EPB41L5: variants seen among roughly 807,000 people sequenced by gnomAD.
The protein encoded by EPB41L5 is erythrocyte membrane protein band 4.1 like 5, also known as band 4.1-like protein 5.
EPB41L5 carries 55 observed loss-of-function variants against 106.6 expected under a neutral mutation model. That is an observed-to-expected ratio of 0.52 (90% CI 0.42 to 0.65). The LOEUF is 0.65. Among genes scored for constraint, EPB41L5 ranks in the 30% least tolerant of loss-of-function variants. The pLI, the probability that EPB41L5 is intolerant of heterozygous loss-of-function variation, is 0.00. For synonymous variants in EPB41L5, 297 were observed against 306.7 expected (o/e 0.97, Z 0.33); for missense variants, 871 against 882.1 (o/e 0.99, Z 0.16).
chr2:120,157,059 G>A (rs1329112207), intron 20 of EPB41L5, among the ~76,000 whole-genome samples: 2 of 152,142 alleles, frequency 1.3e-5, no homozygotes, highest in African/African-American at 2.4e-5. Context: ...CTCAGCAAAT[G>A]TAGAAGAACT....
chr2:120,134,218 G>A (rs1473528688), intron 18 of EPB41L5, among the ~76,000 whole-genome samples: 2 of 151,698 alleles, frequency 1.3e-5, no homozygotes, highest in Admixed American at 6.6e-5. Context: ...GAAAGGAGAG[G>A]GAAGAATAAA....
At chr2:120,163,095 T>A (rs1023897731) in intron 21 of EPB41L5, among the ~76,000 whole-genome samples, 17 of 152,064 alleles carry the variant, frequency 1.1e-4, no homozygotes, top group African/African-American at 3.6e-4. Flanking sequence ...CTACAAAAAA[T>A]TTTTTAAAAA....
intron 16 of EPB41L5, among the ~76,000 whole-genome samples, chr2:120,107,122 A>AG (rs1558881161): frequency 6.6e-6 from 1 of 151,928 alleles, no homozygotes; most frequent in African/African-American, 2.4e-5. Context: ...GTACATCGCC[A>AG]GGTTGGATCT....
chr2:120,061,103 T>C (rs1328625857), intron 3 of EPB41L5, among the ~76,000 whole-genome samples: 5 of 131,868 alleles, frequency 3.8e-5, no homozygotes, highest in African/African-American at 1.4e-4. Flanking sequence ...TGCAGTGGTG[T>C]GATCTCAGCT....
intron 3 of EPB41L5, among the ~76,000 whole-genome samples, chr2:120,048,732 A>G (rs1387707995): frequency 6.6e-6 from 1 of 151,812 alleles, no homozygotes; most frequent in Non-Finnish European, 1.5e-5. Context: ...TAGTTCTTTT[A>G]ATTGTGATGT....
intron 14 of EPB41L5, among the ~76,000 whole-genome samples, chr2:120,096,508 G>A (rs1683764841): frequency 6.6e-6 from 1 of 152,118 alleles, no homozygotes; most frequent in Non-Finnish European, 1.5e-5. Flanking sequence ...GTAGAGTAAT[G>A]GCTGGGAGCA....
At chr2:120,161,875 G>A (rs1250585345) in intron 21 of EPB41L5, among the ~76,000 whole-genome samples, 1 of 152,174 alleles carries the variant, frequency 6.6e-6, no homozygotes, top group African/African-American at 2.4e-5. Context: ...ATGATTTGAG[G>A]TGGAACAGTT....
chr2:120,098,465 G>A (rs1040442405), intron 14 of EPB41L5, among the ~76,000 whole-genome samples: 4 of 151,958 alleles, frequency 2.6e-5, no homozygotes, highest in African/African-American at 9.7e-5. Context: ...CTCCTGCCTC[G>A]GCCCCTGAGA....
chr2:120,131,523 G>A, intron 17 of EPB41L5, 95 bp from the exon 18 acceptor site: 1 of 737,882 alleles, frequency 1.4e-6, no homozygotes, highest in South Asian at 1.6e-5. Context: ...GATGATAACT[G>A]ATGTTGAGAA....
intron 2 of EPB41L5, among the ~76,000 whole-genome samples, chr2:120,039,275 T>G (rs1679241510): frequency 6.6e-6 from 1 of 151,908 alleles, no homozygotes; most frequent in Non-Finnish European, 1.5e-5. Flanking sequence ...CTAGGGGTAA[T>G]GGTGAGGGCA....
Position 120,167,452 on chromosome 2 carries a change from T to TA in EPB41L5, c.1963-10dup. The TA allele has an allele frequency of 1.9e-6, 3 of 1,609,106 alleles. No homozygotes were observed. The highest frequency in any genetic ancestry group is 2.6e-6 in the Non-Finnish European group (3 of 1,175,562). On this transcript the variant is annotated splice_polypyrimidine_tract_variant and intron_variant, in intron 22 of 24. Coordinates refer to ENST00000263713, the MANE Select transcript of EPB41L5 (RefSeq NM_020909.4). ...TTTCCAAAAAGTAAATACATACATATAAAATTATTTCAGGTGTCTTCCACA... is the reference window on the plus strand; with the variant it reads ...TTTCCAAAAAGTAAATACATACATATAAAAATTATTTCAGGTGTCTTCCACA...
intron 24 of EPB41L5, among the ~76,000 whole-genome samples, chr2:120,173,707 G>A (rs1197585107): frequency 6.6e-6 from 1 of 152,140 alleles, no homozygotes; most frequent in African/African-American, 2.4e-5. Flanking sequence ...TTTAGAGACA[G>A]TGTCTCTCTC....
intron 3 of EPB41L5, among the ~76,000 whole-genome samples, chr2:120,066,908 A>G (rs1294293273): frequency 6.6e-6 from 1 of 152,182 alleles, no homozygotes; most frequent in African/African-American, 2.4e-5. Flanking sequence ...TCTGGGCTGG[A>G]CAGTGATGGA....
At chr2:120,134,477 C>T (rs1422735779) in intron 18 of EPB41L5, among the ~76,000 whole-genome samples, 1 of 152,174 alleles carries the variant, frequency 6.6e-6, no homozygotes, top group Non-Finnish European at 1.5e-5. Flanking sequence ...TCACCACATA[C>T]CTCGGGTGAG....
chr2:120,136,152 A>ATTT (rs78827477), intron 18 of EPB41L5, among the ~76,000 whole-genome samples: 23 of 141,010 alleles, frequency 1.6e-4, no homozygotes, highest in African/African-American at 5.9e-4. Flanking sequence ...TTGCTTGTTA[A>ATTT]TTTTTTTTTT....
intron 16 of EPB41L5, chr2:120,106,360 C>T (rs1371719579): frequency 1.0e-6 from 1 of 984,498 alleles, no homozygotes; most frequent in East Asian, 1.1e-4. Flanking sequence ...ATTGCAAATA[C>T]TTGTTCTTTT....
chr2:120,061,958 G>C (rs1318067304), intron 3 of EPB41L5, among the ~76,000 whole-genome samples: 1 of 152,094 alleles, frequency 6.6e-6, no homozygotes, highest in Non-Finnish European at 1.5e-5. Flanking sequence ...GCTGGTAGTT[G>C]CTCACTAGCT....
chr2:120,154,460 C>T lies in EPB41L5; in HGVS notation c.1794-6421C>T, dbSNP rs566005940. On this transcript the variant is annotated intron_variant, in intron 20 of 24. Coordinates refer to ENST00000263713, the MANE Select transcript of EPB41L5 (RefSeq NM_020909.4). The stretch of plus-strand genomic sequence containing the variant: ...GATTACAGGCATGAGCCACTGCACC[C>T]GGCCCCTTCCCTATATTTAAAAATT... Among the ~76,000 whole-genome samples, 44 of 151,992 alleles carry T rather than the reference C, an allele frequency of 2.9e-4. No individual in the cohort carries two copies. The East Asian group carries it at 6.0e-3, about 21-fold the overall frequency.
rs1223207483 is a variant in EPB41L5 at position 120,176,263 on chromosome 2, C to G, written c.*1356C>G. 2.0e-5 allele frequency: 3 copies of G among 152,548 alleles called. No individual in the cohort carries two copies. Among genetic ancestry groups the G allele is most frequent in the Non-Finnish European group, 4.4e-5 (3 of 68,042 alleles). 9.4% of individuals were successfully genotyped at this position (152,548 alleles called of 1,614,324 possible). On this transcript the variant is annotated 3_prime_UTR_variant, in exon 25 of 25. Coordinates refer to ENST00000263713, the MANE Select transcript of EPB41L5 (RefSeq NM_020909.4). ...GTTGTTAATCCCTCGTTATGGAGAACTGATCTTAAGCTATACCTCCTGGAA... is the reference window on the plus strand; with the variant it reads ...GTTGTTAATCCCTCGTTATGGAGAAGTGATCTTAAGCTATACCTCCTGGAA...
Sources: allele counts gnomAD v4.1 joint callset (sites outside exome capture counted in the v4.1 genomes callset), GRCh38; gene constraint gnomAD v4.1.1; transcripts MANE v1.5; gene names NCBI Gene and HGNC (gene_info 2026-07-23, HGNC 2026-07-21).